The following GLRA2 variants were observed in gnomAD, a reference collection of about 807,000 sequenced individuals.
GLRA2 encodes the protein glycine receptor alpha 2.
GLRA2 carries 11 observed loss-of-function variants against 31.6 expected under a neutral mutation model. That is an observed-to-expected ratio of 0.35 (90% CI 0.22 to 0.58). The LOEUF is 0.58. Ranked by LOEUF, GLRA2 falls within the 20% of genes least tolerant of loss-of-function variation. The pLI, the probability that GLRA2 is intolerant of heterozygous loss-of-function variation, is 0.84. For synonymous variants in GLRA2, 132 were observed against 134.0 expected (o/e 0.99, Z 0.10); for missense variants, 212 against 351.8 (o/e 0.60, Z 3.18).
At chrX:14,485,298 A>G in the GLRA2 span, among the ~76,000 whole-genome samples, 1 of 112,545 alleles carries the variant, frequency 8.9e-6, no homozygotes, top group Non-Finnish European at 1.9e-5. Context: ...TAAAGGAACT[A>G]TTTATTAAAC....
At chrX:14,527,981 C>T (rs996011204), upstream of GLRA2, among the ~76,000 whole-genome samples, 1 of 112,254 alleles carries the variant, frequency 8.9e-6, no homozygotes, top group Non-Finnish European at 1.9e-5. Context: ...GTTAAGAAAA[C>T]ATATTTGAAG....
upstream of GLRA2, among the ~76,000 whole-genome samples, chrX:14,525,819 G>A (rs1480104599): frequency 9.0e-6 from 1 of 111,437 alleles, no homozygotes; most frequent in Non-Finnish European, 1.9e-5. Context: ...AACTATTTGT[G>A]GACTATACAT....
At chrX:14,534,044 C>T (rs1000974176) in intron 2 of GLRA2, among the ~76,000 whole-genome samples, 7 of 110,745 alleles carry the variant, frequency 6.3e-5, no homozygotes, top group African/African-American at 2.3e-4. Flanking sequence ...ATAAAACACA[C>T]CCATGTTGAC....
the GLRA2 span, among the ~76,000 whole-genome samples, chrX:14,505,850 C>G: frequency 2.7e-5 from 3 of 111,333 alleles, no homozygotes; most frequent in Non-Finnish European, 5.7e-5. Flanking sequence ...CAATTCTGCC[C>G]CCAGACAGCC....
chrX:14,681,547 G>T (rs139930400), intron 7 of GLRA2, among the ~76,000 whole-genome samples: 2,065 of 110,351 alleles, frequency 0.019, 46 homozygotes, highest in African/African-American at 0.063. Context: ...AACTAAAAAC[G>T]AAAACAAAAA....
chrX:14,487,370 A>G, the GLRA2 span, among the ~76,000 whole-genome samples: 3 of 94,874 alleles, frequency 3.2e-5, no homozygotes, highest in Admixed American at 2.3e-4. Flanking sequence ...AAAAGCCAGT[A>G]ATTCATTGGT....
chrX:14,548,126 A>G (rs1480037984), intron 2 of GLRA2, among the ~76,000 whole-genome samples: 1 of 111,756 alleles, frequency 8.9e-6, no homozygotes, highest in East Asian at 2.8e-4. Flanking sequence ...TCCTCACTGC[A>G]TTTTCTTGAA....
Position 14,681,908 on chromosome X carries a change from A to AT in GLRA2, c.931-8802_931-8801insT, listed in dbSNP as rs1225909977. On this transcript the variant is annotated intron_variant, in intron 7 of 8. Coordinates refer to ENST00000218075, the MANE Select transcript of GLRA2 (RefSeq NM_002063.4). The stretch of plus-strand genomic sequence containing the variant: ...CACCATCTCAAAAAAAAAAAAAAAA[A>AT]AAATATATATATATATATATATGTA... 8.6e-3 allele frequency among the ~76,000 whole-genome samples: 332 copies of AT among 38,760 alleles called. 2 individuals carry two copies. Among genetic ancestry groups the AT allele is most frequent in the African/African-American group, 0.023 (263 of 11,259 alleles). The allele number at this position is 38,760 out of a possible 115,157, so 33.7% of individuals were successfully genotyped here. A position where few individuals can be genotyped will look rare whatever the true frequency, so the allele number is the denominator to read the frequency against.
At chrX:14,573,073 AAC>A (rs1457667162) in intron 2 of GLRA2, among the ~76,000 whole-genome samples, 1 of 112,072 alleles carries the variant, frequency 8.9e-6, no homozygotes, top group Non-Finnish European at 1.9e-5. Flanking sequence ...GATATGAGCA[AAC>A]ACATGAAAAA....
At chrX:14,726,690 TG>T (rs774422617) in intron 8 of GLRA2, among the ~76,000 whole-genome samples, 123 of 112,685 alleles carry the variant, frequency 1.1e-3, no homozygotes, top group African/African-American at 3.8e-3. Flanking sequence ...ATTCTAGCTC[TG>T]TTAATTGAAT....
chrX:14,638,284 C>A (rs778079499), intron 7 of GLRA2, among the ~76,000 whole-genome samples: 2 of 110,893 alleles, frequency 1.8e-5, no homozygotes, highest in Non-Finnish European at 3.8e-5. Context: ...AATGTACTTT[C>A]AAAACCTATA....
At chrX:14,507,689 CTTTTTTTT>C in the GLRA2 span, among the ~76,000 whole-genome samples, 40 of 46,636 alleles carry the variant, frequency 8.6e-4, no homozygotes, top group Middle Eastern at 0.018. Flanking sequence ...GAAAGACATT[CTTTTTTTT>C]TTTTTTTTTT....
rs139141957 is a variant in GLRA2 at position 14,659,187 on chromosome X, T to C, written c.931-31523T>C. 3.5e-3 allele frequency among the ~76,000 whole-genome samples: 398 copies of C among 112,316 alleles called. 1 individual carries two copies. Among genetic ancestry groups the C allele is most frequent in the African/African-American group, 0.012 (386 of 30,911 alleles). On this transcript the variant is annotated intron_variant, in intron 7 of 8. Coordinates refer to ENST00000218075, the MANE Select transcript of GLRA2 (RefSeq NM_002063.4). ...TTCATTTACATACATCTATGGCTGCTTTTGCACTACAAAGGCAGAGTTGAG... is the reference window on the plus strand; with the variant it reads ...TTCATTTACATACATCTATGGCTGCCTTTGCACTACAAAGGCAGAGTTGAG...
At chrX:14,619,214 C>T (rs769279169) in intron 7 of GLRA2, among the ~76,000 whole-genome samples, 5 of 110,531 alleles carry the variant, frequency 4.5e-5, no homozygotes, top group African/African-American at 1.6e-4. Flanking sequence ...TCCATTTTGC[C>T]TTCTATATTG....
the GLRA2 span, among the ~76,000 whole-genome samples, chrX:14,479,658 G>A: frequency 0.029 from 3,179 of 111,423 alleles, 64 homozygotes; most frequent in Non-Finnish European, 0.048. Context: ...TGTGTTCTCA[G>A]GATAATGGCC....
At position 14,708,395 on chromosome X, in the gene GLRA2, A is replaced by AG. The variant is rs1240238960; in HGVS notation, c.1080+17540dup. 2.7e-5 allele frequency among the ~76,000 whole-genome samples: 3 copies of AG among 111,500 alleles called. No individual in the cohort carries two copies. In the Admixed American group the frequency reaches 2.9e-4, roughly 11 times the overall value. On this transcript the variant is annotated intron_variant, in intron 8 of 8. Transcript: ENST00000218075. ...AAGAGGCAGTCACAGACACAGTAGG[A>AG]GGGGTCATTTGGTTGCCATGATGAC...
intron 8 of GLRA2, among the ~76,000 whole-genome samples, chrX:14,710,304 TAAGAGGGA>T (rs2091693965): frequency 9.0e-6 from 1 of 111,711 alleles, no homozygotes; most frequent in African/African-American, 3.3e-5. Context: ...AATTGAGCAG[TAAGAGGGA>T]AGAGGGGAAA....
intron 3 of GLRA2, among the ~76,000 whole-genome samples, chrX:14,575,528 C>T (rs2089945712): frequency 9.0e-6 from 1 of 110,747 alleles, no homozygotes; most frequent in Non-Finnish European, 1.9e-5. Flanking sequence ...GAGTGCAGAT[C>T]ATGGCACACT....
chrX:14,550,265 T>A (rs902783094), intron 2 of GLRA2, among the ~76,000 whole-genome samples: 3 of 108,114 alleles, frequency 2.8e-5, no homozygotes, highest in African/African-American at 1.0e-4. Context: ...AGGAGGTTTT[T>A]TTTTTTTTAA....
Sources: allele counts gnomAD v4.1 joint callset (sites outside exome capture counted in the v4.1 genomes callset), GRCh38; gene constraint gnomAD v4.1.1; transcripts MANE v1.5; gene names NCBI Gene and HGNC (gene_info 2026-07-23, HGNC 2026-07-21).